The following VWA3B variants were observed in gnomAD, a reference collection of about 807,000 sequenced individuals.
VWA3B encodes the protein von Willebrand factor A domain-containing protein 3B.
A neutral mutation model predicts 158.3 loss-of-function variants in VWA3B; 138 were observed. The ratio of observed to expected loss-of-function variants is 0.87; its 90% CI spans 0.76 to 1.00. The LOEUF (loss-of-function observed/expected upper bound fraction) is 1.00. Among genes scored for constraint, VWA3B ranks in the 50% least tolerant of loss-of-function variants. VWA3B has a pLI of 0.00. For synonymous variants in VWA3B, 596 were observed against 587.3 expected, an observed-to-expected ratio of 1.01 and a Z score of -0.21; for missense variants, 1,555 against 1,565.1, an observed-to-expected ratio of 0.99 and a Z score of 0.11.
chr2:98,158,420 A>G (rs1463112301), intron 7 of VWA3B, among the ~76,000 whole-genome samples: 2 of 152,144 alleles, frequency 1.3e-5, no homozygotes, highest in Non-Finnish European at 2.9e-5. Context: ...GCTGTGTTGT[A>G]GGCAGCTGCC....
Position 98,098,159 on chromosome 2 carries a change from A to T in VWA3B, c.196+4871A>T, listed in dbSNP as rs528393011. On this transcript the variant is annotated intron_variant, in intron 2 of 27. Transcript: ENST00000477737. ...CCTAACATATCAGCTATCCTAGATA[A>T]TATTATGTGTGCAGTTGAGAAGAGT... 2.0e-5 allele frequency among the ~76,000 whole-genome samples: 3 copies of T among 152,200 alleles called. No homozygotes were observed. In the East Asian group the frequency reaches 5.8e-4, roughly 29 times the overall value.
chr2:98,248,885 C>CTCTT (rs1558724682), intron 19 of VWA3B, among the ~76,000 whole-genome samples: 2,644 of 58,016 alleles, frequency 0.046, 103 homozygotes, highest in South Asian at 0.066. Context: ...CTTTCTTTCT[C>CTCTT]TCTTTCCTTT....
chr2:98,135,557 G>A (rs914483335), intron 7 of VWA3B, among the ~76,000 whole-genome samples: 1 of 151,306 alleles, frequency 6.6e-6, no homozygotes, highest in Non-Finnish European at 1.5e-5. Flanking sequence ...GGATGGTCTC[G>A]ATCTCCTGAC....
At chr2:98,157,833 T>TC (rs58836001) in intron 7 of VWA3B, among the ~76,000 whole-genome samples, 152,244 of 152,244 alleles carry the variant, frequency 1, 76,122 homozygotes, top group Non-Finnish European at 1. Context: ...GACTCAAGGG[T>TC]CCCGAGGGTG....
chr2:98,307,590 T>C (rs62155315), intron 26 of VWA3B, among the ~76,000 whole-genome samples: 5,933 of 152,352 alleles, frequency 0.039, 168 homozygotes, highest in Middle Eastern at 0.075. Context: ...TTTATTACGG[T>C]TAGCAGATGT....
At chr2:98,111,379 G>A (rs1674122780) in intron 2 of VWA3B, among the ~76,000 whole-genome samples, 1 of 152,122 alleles carries the variant, frequency 6.6e-6, no homozygotes, top group African/African-American at 2.4e-5. Flanking sequence ...ATAAGGGCAG[G>A]TGTCTTTTTG....
intron 2 of VWA3B, among the ~76,000 whole-genome samples, chr2:98,105,059 A>G (rs377764501): frequency 5.9e-5 from 9 of 152,344 alleles, no homozygotes; most frequent in African/African-American, 2.2e-4. Context: ...ATACACTGCT[A>G]AGATCCACAT....
At chr2:98,161,032 A>G (rs933257510) in intron 7 of VWA3B, among the ~76,000 whole-genome samples, 14 of 152,198 alleles carry the variant, frequency 9.2e-5, no homozygotes, top group African/African-American at 2.9e-4. Context: ...TTGGCTTAGG[A>G]TCAGTCCTTT....
rs753226573 is a variant in VWA3B at position 98,119,768 on chromosome 2, G to A, written c.542+5G>A. The A allele has an allele frequency of 2.7e-5, 43 of 1,612,560 alleles. No individual in the cohort carries two copies. The highest frequency in any genetic ancestry group is 3.6e-5 in the Non-Finnish European group (42 of 1,178,690). ...AACCGAGTTCAATATCATACGGTGA[G>A]TTCCCATAGGAAGGGAGTATTTTAG... is the stretch of plus-strand genomic sequence containing the variant. On this transcript the variant is annotated splice_donor_5th_base_variant and intron_variant, in intron 4 of 27. Transcript: ENST00000477737.
At chr2:98,096,168 T>G (rs192221782) in intron 2 of VWA3B, among the ~76,000 whole-genome samples, 1 of 152,254 alleles carries the variant, frequency 6.6e-6, no homozygotes, top group East Asian at 1.9e-4. Context: ...CCTCTTCAAG[T>G]TTTTGGGAAG....
chr2:98,315,421 T>G (rs916309121), downstream of VWA3B, among the ~76,000 whole-genome samples: 1 of 152,158 alleles, frequency 6.6e-6, no homozygotes, highest in African/African-American at 2.4e-5. Flanking sequence ...GTGATTGCTA[T>G]AGGGATGGAG....
intron 2 of VWA3B, among the ~76,000 whole-genome samples, chr2:98,102,927 T>C (rs1683187595): frequency 6.6e-6 from 1 of 152,258 alleles, no homozygotes; most frequent in Non-Finnish European, 1.5e-5. Context: ...TTCTGTTTCA[T>C]AATGCCAATT....
intron 8 of VWA3B, among the ~76,000 whole-genome samples, chr2:98,165,003 A>G (rs1357835475): frequency 1.3e-5 from 2 of 152,216 alleles, no homozygotes; most frequent in Non-Finnish European, 2.9e-5. Context: ...GATGCTGAGG[A>G]ACCACTGTAC....
chr2:98,148,203 A>C (rs190059593), intron 7 of VWA3B, among the ~76,000 whole-genome samples: 3 of 152,198 alleles, frequency 2.0e-5, no homozygotes, highest in Admixed American at 2.0e-4. Context: ...ATTGCTTTCC[A>C]AAAAATACTT....
Position 98,297,629 on chromosome 2 carries a change from T to A in VWA3B, c.3158-278T>A, listed in dbSNP as rs1163036165. Among the ~76,000 whole-genome samples the A allele has an allele frequency of 3.9e-5, 6 of 152,310 alleles. No individual in the cohort carries two copies. In the East Asian group the frequency reaches 1.2e-3, roughly 29 times the overall value. Reference sequence around the variant, plus strand: ...TTTATTTCCAGGACCCATGTTCCTGTCAGGATGGGGGCTGATGGCGCAGGA... The same window carrying A: ...TTTATTTCCAGGACCCATGTTCCTGACAGGATGGGGGCTGATGGCGCAGGA... On this transcript the variant is annotated intron_variant, in intron 23 of 27. Transcript: ENST00000477737.
intron 14 of VWA3B, among the ~76,000 whole-genome samples, chr2:98,226,377 T>C (rs958511734): frequency 3.9e-5 from 6 of 152,174 alleles, no homozygotes; most frequent in Non-Finnish European, 8.8e-5. Context: ...AAAGGCAAAA[T>C]AATAAACCCC....
chr2:98,205,971 T>C (rs997888766), intron 12 of VWA3B, among the ~76,000 whole-genome samples: 7 of 152,244 alleles, frequency 4.6e-5, no homozygotes, highest in Non-Finnish European at 8.8e-5. Context: ...ACATTTTCAA[T>C]GTTTGTTTGA....
At chr2:98,129,259 G>GTGT (rs1491368601) in intron 6 of VWA3B, among the ~76,000 whole-genome samples, 3 of 148,018 alleles carry the variant, frequency 2.0e-5, no homozygotes, top group Non-Finnish European at 3.0e-5. Flanking sequence ...GTGTGTGTGT[G>GTGT]GAGAGAGAGG....
chr2:98,263,649 G>T (rs990534111), intron 21 of VWA3B, among the ~76,000 whole-genome samples: 2 of 151,768 alleles, frequency 1.3e-5, no homozygotes, highest in African/African-American at 2.4e-5. Context: ...CTACTGTTTT[G>T]TTGAGGATTT....
Sources: gnomAD v4.1 joint callset for allele counts (sites outside exome capture counted in the v4.1 genomes callset) on GRCh38, gnomAD v4.1.1 for gene constraint, MANE v1.5 for transcripts, NCBI Gene and HGNC (gene_info 2026-07-23, HGNC 2026-07-21) for gene names.